FGF14: variants seen among roughly 807,000 people sequenced by gnomAD.
The protein encoded by FGF14 is fibroblast growth factor 14, also known as fibroblast growth factor homologous factor 4.
Under a neutral mutation model 25.5 loss-of-function variants are expected in FGF14, and 5 were observed. The observed-to-expected ratio is 0.20, with a 90% CI of 0.10 to 0.41. The LOEUF is 0.41. Ranked by LOEUF, FGF14 falls within the 10% of genes least tolerant of loss-of-function variation. The pLI, the probability that FGF14 is intolerant of heterozygous loss-of-function variation, is 1.00. For synonymous variants in FGF14, 138 were observed against 118.3 expected (o/e 1.17, Z -1.08); for missense variants, 222 against 320.1 (o/e 0.69, Z 2.34).
chr13:102,155,159 A>G (rs1321237208), intron 1 of FGF14, among the ~76,000 whole-genome samples: 3 of 152,212 alleles, frequency 2.0e-5, no homozygotes, highest in Admixed American at 2.0e-4. Context: ...TGCACCAAGC[A>G]GACCTAATAG....
intron 1 of FGF14, among the ~76,000 whole-genome samples, chr13:101,940,793 G>A (rs565431324): frequency 1.3e-5 from 2 of 152,218 alleles, no homozygotes; most frequent in South Asian, 4.2e-4. Flanking sequence ...GGTCCCTTAG[G>A]TTTTGTTCAT....
chr13:102,206,721 G>C (rs2049943453), intron 1 of FGF14, among the ~76,000 whole-genome samples: 2 of 151,994 alleles, frequency 1.3e-5, no homozygotes, highest in South Asian at 2.1e-4. Context: ...GTGTTTTGAA[G>C]GTGTTTGCAG....
chr13:102,305,612 G>T (rs942068540), intron 1 of FGF14, among the ~76,000 whole-genome samples: 6 of 152,156 alleles, frequency 3.9e-5, no homozygotes, highest in Non-Finnish European at 7.4e-5. Context: ...ATACAAGTTT[G>T]CTAAACCAAC....
At chr13:101,822,494 CAA>C (rs34333597) in intron 3 of FGF14, among the ~76,000 whole-genome samples, 5,591 of 143,806 alleles carry the variant, frequency 0.039, 155 homozygotes, top group Non-Finnish European at 0.051. Flanking sequence ...AAATTTCTAC[CAA>C]AAAAAAAAAA....
chr13:101,764,581 C>G (rs2038260711), intron 3 of FGF14, among the ~76,000 whole-genome samples: 1 of 152,178 alleles, frequency 6.6e-6, no homozygotes, highest in Non-Finnish European at 1.5e-5. Context: ...TTTCTTCACT[C>G]TCCCTGCTTA....
intron 1 of FGF14, among the ~76,000 whole-genome samples, chr13:101,914,993 G>A (rs2033323656): frequency 6.6e-6 from 1 of 152,188 alleles, no homozygotes; most frequent in African/African-American, 2.4e-5. Context: ...CTAGGCTAAT[G>A]TGGAAAATTA....
chr13:101,879,907 C>T (rs2045605892), intron 1 of FGF14, among the ~76,000 whole-genome samples: 1 of 151,974 alleles, frequency 6.6e-6, no homozygotes, highest in South Asian at 2.1e-4. Context: ...ATCATATAAT[C>T]CAACCACAAA....
chr13:102,161,566 GAAGAAAGAA>G (rs2047642125), intron 1 of FGF14, among the ~76,000 whole-genome samples: 1 of 2,256 alleles, frequency 4.4e-4, no homozygotes, highest in African/African-American at 7.0e-3. Flanking sequence ...AACTTTCTGT[GAAGAAAGAA>G]AGAAGAAGAA....
intron 1 of FGF14, among the ~76,000 whole-genome samples, chr13:102,241,219 G>A (rs981710492): frequency 6.6e-6 from 1 of 152,112 alleles, no homozygotes; most frequent in Admixed American, 6.6e-5. Context: ...TGTCGCAATA[G>A]CAATCCAATT....
intron 3 of FGF14, among the ~76,000 whole-genome samples, chr13:101,770,378 A>C (rs954491514): frequency 5.3e-5 from 8 of 152,128 alleles, no homozygotes; most frequent in Non-Finnish European, 1.0e-4. Flanking sequence ...TTTAACTGAA[A>C]TATTAAATAC....
At chr13:102,095,860 G>A (rs1165271737) in intron 1 of FGF14, among the ~76,000 whole-genome samples, 2 of 152,008 alleles carry the variant, frequency 1.3e-5, no homozygotes, top group Non-Finnish European at 2.9e-5. Context: ...TCAATCAACA[G>A]TTAGTAGTTA....
chr13:101,783,546 T>A (rs1021638291), intron 3 of FGF14, among the ~76,000 whole-genome samples: 3 of 152,200 alleles, frequency 2.0e-5, no homozygotes, highest in Admixed American at 6.5e-5. Context: ...GTAAATTTTT[T>A]AAGTTCCTTA....
At chr13:102,391,389 T>C (rs2058429853) in intron 1 of FGF14, among the ~76,000 whole-genome samples, 1 of 152,206 alleles carries the variant, frequency 6.6e-6, no homozygotes, top group Admixed American at 6.5e-5. Context: ...CTGCCACACA[T>C]GTACCAGAAT....
At chr13:102,101,707 CT>C (rs111470313) in intron 1 of FGF14, among the ~76,000 whole-genome samples, 1,797 of 147,644 alleles carry the variant, frequency 0.012, 33 homozygotes, top group African/African-American at 0.039. Context: ...TTCCCCCCAA[CT>C]TTTTTTTTTT....
chr13:101,811,468 A>G (rs1172685897), intron 3 of FGF14, among the ~76,000 whole-genome samples: 2 of 152,142 alleles, frequency 1.3e-5, no homozygotes, highest in South Asian at 2.1e-4. Flanking sequence ...GTGCTGAATA[A>G]TACCCCATTG....
intron 1 of FGF14, among the ~76,000 whole-genome samples, chr13:101,955,383 T>C (rs1371612677): frequency 6.6e-6 from 1 of 152,246 alleles, no homozygotes; most frequent in Non-Finnish European, 1.5e-5. Flanking sequence ...CAATGATTTG[T>C]GGCTTGTGTC....
At chr13:102,069,258 T>A (rs1350577158) in intron 1 of FGF14, among the ~76,000 whole-genome samples, 1 of 152,094 alleles carries the variant, frequency 6.6e-6, no homozygotes, top group Non-Finnish European at 1.5e-5. Flanking sequence ...AAACTCTGTA[T>A]CTAACTAATC....
chr13:102,126,607 G>C (rs1222195760), intron 1 of FGF14, among the ~76,000 whole-genome samples: 1 of 152,008 alleles, frequency 6.6e-6, no homozygotes, highest in African/African-American at 2.4e-5. Flanking sequence ...TGGTCAGTAT[G>C]GTAATTTCAT....
Position 102,104,603 on chromosome 13 carries a change from T to C in FGF14, c.209-229307A>G, listed in dbSNP as rs1278070028. On this transcript the variant is annotated intron_variant, in intron 1 of 4. Coordinates refer to the FGF14 transcript ENST00000376131. ...CCAGCCTGGGTAACATGGCAAAACC[T>C]CATCTCTACAAAAAATACACACACA... Among the ~76,000 whole-genome samples, 5 of 151,886 alleles carry C rather than the reference T, an allele frequency of 3.3e-5. 1 individual carries two copies. In the East Asian group the frequency reaches 9.7e-4, roughly 29 times the overall value.
Sources: gnomAD v4.1 joint callset for allele counts (sites outside exome capture counted in the v4.1 genomes callset) on GRCh38, gnomAD v4.1.1 for gene constraint, MANE v1.5 for transcripts, NCBI Gene and HGNC (gene_info 2026-07-23, HGNC 2026-07-21) for gene names.